Variants in TENM2 observed in about 807,000 individuals in gnomAD.
The protein encoded by TENM2 is teneurin transmembrane protein 2, also known as teneurin-2.
Under a neutral mutation model 245.2 loss-of-function variants are expected in TENM2, and 52 were observed. The ratio of observed to expected loss-of-function variants is 0.21; its 90% CI spans 0.17 to 0.27. TENM2 has a LOEUF of 0.27. Ranked by LOEUF, TENM2 falls within the 10% of genes least tolerant of loss-of-function variation. TENM2 has a pLI of 1.00. For synonymous variants in TENM2, 1,363 were observed against 1,438.9 expected (o/e 0.95, Z 1.19); for missense variants, 3,046 against 3,666.8 (o/e 0.83, Z 4.37).
the TENM2 span, among the ~76,000 whole-genome samples, chr5:167,117,156 G>C: frequency 6.6e-6 from 1 of 152,340 alleles, no homozygotes; most frequent in African/African-American, 2.4e-5. Flanking sequence ...TATCTGTTAA[G>C]TAATTCACTG....
intron 2 of TENM2, among the ~76,000 whole-genome samples, chr5:167,698,982 C>G (rs960428011): frequency 1.1e-4 from 16 of 151,688 alleles, no homozygotes; most frequent in African/African-American, 3.9e-4. Context: ...CTGCCCGGCC[C>G]CATAAGTACT....
chr5:168,208,473 G>A (rs941652423), intron 19 of TENM2, among the ~76,000 whole-genome samples: 10 of 152,198 alleles, frequency 6.6e-5, no homozygotes, highest in Admixed American at 2.0e-4. Flanking sequence ...GTGGGAGCCT[G>A]GGAAGGCGGG....
At chr5:167,649,173 C>T (rs899062674) in intron 2 of TENM2, among the ~76,000 whole-genome samples, 1 of 152,070 alleles carries the variant, frequency 6.6e-6, no homozygotes, top group Non-Finnish European at 1.5e-5. Context: ...TGAACTTTTT[C>T]TGAGCAACAC....
chr5:168,240,286 C>G (rs991465250), intron 25 of TENM2, among the ~76,000 whole-genome samples: 4 of 152,190 alleles, frequency 2.6e-5, no homozygotes, highest in Admixed American at 2.6e-4. Flanking sequence ...AGGCGTGGAG[C>G]CAGCCGAGCA....
chr5:167,106,926 A>C, the TENM2 span, among the ~76,000 whole-genome samples: 1 of 152,068 alleles, frequency 6.6e-6, no homozygotes, highest in Non-Finnish European at 1.5e-5. Context: ...AAATGCAACA[A>C]ACAAAAAGAA....
chr5:167,682,609 A>G (rs1756806532), intron 2 of TENM2, among the ~76,000 whole-genome samples: 1 of 151,982 alleles, frequency 6.6e-6, no homozygotes, highest in Non-Finnish European at 1.5e-5. Flanking sequence ...CCCTTCTTTC[A>G]TAGTATTGGT....
intron 2 of TENM2, among the ~76,000 whole-genome samples, chr5:167,561,187 C>T (rs1773564484): frequency 6.6e-6 from 1 of 152,174 alleles, no homozygotes; most frequent in African/African-American, 2.4e-5. Context: ...TCCTTTGGTA[C>T]AGAATCACAC....
At chr5:167,063,451 G>A in the TENM2 span, among the ~76,000 whole-genome samples, 1 of 152,102 alleles carries the variant, frequency 6.6e-6, no homozygotes, top group Non-Finnish European at 1.5e-5. Context: ...AGTAGACCTG[G>A]AACGATGTCT....
At chr5:167,648,632 C>T (rs1359273497) in intron 2 of TENM2, among the ~76,000 whole-genome samples, 1 of 152,174 alleles carries the variant, frequency 6.6e-6, no homozygotes, top group African/African-American at 2.4e-5. Context: ...AGAAGCGATG[C>T]GACTGTTCTC....
the TENM2 span, among the ~76,000 whole-genome samples, chr5:167,250,825 G>T: frequency 6.6e-6 from 1 of 152,144 alleles, no homozygotes; most frequent in Admixed American, 6.6e-5. Flanking sequence ...TAAGTGAATA[G>T]ATTAGGTGAG....
At chr5:168,177,104 G>A (rs568807319) in intron 13 of TENM2, among the ~76,000 whole-genome samples, 9 of 152,138 alleles carry the variant, frequency 5.9e-5, no homozygotes, top group Admixed American at 2.0e-4. Flanking sequence ...GGTGAACTCC[G>A]ACCTCCCAAA....
intron 2 of TENM2, among the ~76,000 whole-genome samples, chr5:167,853,155 T>C (rs1278632266): frequency 6.7e-6 from 1 of 150,354 alleles, no homozygotes; most frequent in Non-Finnish European, 1.5e-5. Context: ...CCGGGCGTGG[T>C]GGCGGGCGCC....
At chr5:168,181,482 C>G (rs868445844) in intron 13 of TENM2, among the ~76,000 whole-genome samples, 2 of 152,118 alleles carry the variant, frequency 1.3e-5, no homozygotes, top group Non-Finnish European at 2.9e-5. Flanking sequence ...GGGGCCTCCT[C>G]TCTGCCAGAT....
chr5:168,174,514 T>C (rs574537483), intron 13 of TENM2, among the ~76,000 whole-genome samples: 42 of 152,308 alleles, frequency 2.8e-4, no homozygotes, highest in African/African-American at 9.4e-4. Flanking sequence ...CAGGCACAGA[T>C]GGCTGGGCCC....
intron 2 of TENM2, among the ~76,000 whole-genome samples, chr5:167,554,089 ATT>A (rs1310437103): frequency 6.6e-6 from 1 of 152,100 alleles, no homozygotes; most frequent in Non-Finnish European, 1.5e-5. Flanking sequence ...GCACAATTTA[ATT>A]TTTTGTCCAG....
At chr5:167,564,569 T>C (rs1773784136) in intron 2 of TENM2, among the ~76,000 whole-genome samples, 1 of 152,122 alleles carries the variant, frequency 6.6e-6, no homozygotes, top group Non-Finnish European at 1.5e-5. Context: ...TATTACTAGA[T>C]AAAAAATGCA....
intron 2 of TENM2, among the ~76,000 whole-genome samples, chr5:167,593,220 A>T (rs1235287407): frequency 6.6e-6 from 1 of 152,158 alleles, no homozygotes; most frequent in Non-Finnish European, 1.5e-5. Context: ...CTCTCCCTTC[A>T]CTTTAGAGTA....
chr5:167,154,676 A>G, the TENM2 span, among the ~76,000 whole-genome samples: 1 of 152,182 alleles, frequency 6.6e-6, no homozygotes, highest in Non-Finnish European at 1.5e-5. Flanking sequence ...TGTTCAATCT[A>G]GGCCTGTATT....
chr5:167,896,959 T>A (rs912264098), intron 3 of TENM2, among the ~76,000 whole-genome samples: 1 of 152,190 alleles, frequency 6.6e-6, no homozygotes, highest in Admixed American at 6.5e-5. Context: ...AAAGAGTGCA[T>A]GTGCAAGCCT....
Sources: gnomAD v4.1 joint callset for allele counts (sites outside exome capture counted in the v4.1 genomes callset) on GRCh38, gnomAD v4.1.1 for gene constraint, MANE v1.5 for transcripts, NCBI Gene and HGNC (gene_info 2026-07-23, HGNC 2026-07-21) for gene names.